ZEB1: variants seen among roughly 807,000 people sequenced by gnomAD.
ZEB1 encodes zinc finger E-box binding homeobox 1, also known as zinc finger E-box-binding homeobox 1.
ZEB1 carries 21 observed loss-of-function variants against 84.9 expected under a neutral mutation model. That is an observed-to-expected ratio of 0.25 (90% CI 0.18 to 0.36). The LOEUF is 0.36. Among genes scored for constraint, ZEB1 ranks in the 10% least tolerant of loss-of-function variants. The probability of loss-of-function intolerance (pLI) is 1.00; values close to 1 mark genes in which losing one functional copy is unlikely to be tolerated. For missense variants in ZEB1, 1,104 were observed against 1,330.2 expected (o/e 0.83, Z 2.65); for synonymous variants, 420 against 471.1 (o/e 0.89, Z 1.41).
intron 1 of ZEB1, among the ~76,000 whole-genome samples, chr10:31,347,374 A>G (rs1055315225): frequency 6.6e-6 from 1 of 152,014 alleles, no homozygotes; most frequent in Non-Finnish European, 1.5e-5. Flanking sequence ...TATCTGTGTT[A>G]TTTTAATTTT....
At chr10:31,332,141 A>G (rs993658112) in intron 1 of ZEB1, among the ~76,000 whole-genome samples, 2 of 152,144 alleles carry the variant, frequency 1.3e-5, no homozygotes, top group Admixed American at 6.5e-5. Context: ...ATAGATTTGC[A>G]TAGTAATTGC....
At chr10:31,367,876 G>T (rs2134332436) in intron 1 of ZEB1, among the ~76,000 whole-genome samples, 1 of 151,848 alleles carries the variant, frequency 6.6e-6, no homozygotes, top group East Asian at 1.9e-4. Context: ...ACCCAAAAAC[G>T]TAGAACATTG....
At chr10:31,474,904 C>G (rs1411760686) in intron 2 of ZEB1, among the ~76,000 whole-genome samples, 3 of 152,114 alleles carry the variant, frequency 2.0e-5, no homozygotes, top group Admixed American at 2.0e-4. Context: ...AGTTCATGTC[C>G]TTTGTAGGGA....
intron 1 of ZEB1, among the ~76,000 whole-genome samples, chr10:31,332,288 C>T (rs2036968599): frequency 1.3e-5 from 2 of 152,184 alleles, no homozygotes; most frequent in Admixed American, 6.5e-5. Flanking sequence ...TTTCTAGTCC[C>T]TGCACTGTTA....
intron 1 of ZEB1, among the ~76,000 whole-genome samples, chr10:31,446,914 A>T (rs1012175328): frequency 4.5e-4 from 69 of 152,136 alleles, no homozygotes; most frequent in African/African-American, 1.6e-3. Flanking sequence ...AGAGTTCTGT[A>T]GATGTCTATT....
intron 1 of ZEB1, among the ~76,000 whole-genome samples, chr10:31,420,039 TTG>T (rs1170922150): frequency 6.6e-6 from 1 of 152,122 alleles, no homozygotes; most frequent in Non-Finnish European, 1.5e-5. Flanking sequence ...TACCTCCTCT[TTG>T]TTCTAATGTA....
At chr10:31,334,834 A>G (rs1488524424) in intron 1 of ZEB1, among the ~76,000 whole-genome samples, 7 of 152,122 alleles carry the variant, frequency 4.6e-5, no homozygotes, top group Non-Finnish European at 2.9e-5. Flanking sequence ...ATGCTGGCCC[A>G]AGAAGTAATA....
chr10:31,337,216 G>A (rs1164411126), intron 1 of ZEB1, among the ~76,000 whole-genome samples: 1 of 151,932 alleles, frequency 6.6e-6, no homozygotes, highest in East Asian at 1.9e-4. Flanking sequence ...CATTTATATA[G>A]AATCAAAGAA....
At chr10:31,393,724 T>C (rs900003985) in intron 1 of ZEB1, among the ~76,000 whole-genome samples, 1 of 152,220 alleles carries the variant, frequency 6.6e-6, no homozygotes, top group African/African-American at 2.4e-5. Flanking sequence ...ACCATAGATA[T>C]TGTTTAAAAT....
intron 1 of ZEB1, among the ~76,000 whole-genome samples, chr10:31,397,371 A>G (rs1046111898): frequency 3.3e-5 from 5 of 151,990 alleles, no homozygotes; most frequent in African/African-American, 4.8e-5. Flanking sequence ...TGATTATATA[A>G]CCAGAGATAG....
intron 2 of ZEB1, 26 bp from the exon 3 acceptor site, chr10:31,495,750 T>C (rs1406169001): frequency 6.2e-7 from 1 of 1,611,692 alleles, no homozygotes; most frequent in South Asian, 1.1e-5. Context: ...ACTATAGATC[T>C]ATTTTAATTT....
intron 1 of ZEB1, among the ~76,000 whole-genome samples, chr10:31,385,265 A>G (rs545040573): frequency 1.3e-5 from 2 of 152,302 alleles, no homozygotes; most frequent in South Asian, 4.1e-4. Context: ...TTGACCATAC[A>G]GCAAATGGTA....
In ZEB1 at chr10:31,448,762, C is replaced by G. The variant is rs2060133457; in HGVS notation, c.59-12275C>G. Among the ~76,000 whole-genome samples the G allele has an allele frequency of 3.3e-5, 5 of 152,222 alleles. No individual in the cohort carries two copies. In the East Asian group the frequency reaches 9.7e-4, roughly 29 times the overall value. On this transcript the variant is annotated intron_variant, in intron 1 of 8. Coordinates refer to ENST00000424869, the MANE Select transcript of ZEB1 (RefSeq NM_001174096.2). ...TCAGGGACCCACTTGAGGAGGCAGT[C>G]TGCCCATTCTCAGATCTCCAGCTGC... is the stretch of plus-strand genomic sequence containing the variant.
At chr10:31,430,203 G>A (rs572576130) in intron 1 of ZEB1, among the ~76,000 whole-genome samples, 216 of 152,122 alleles carry the variant, frequency 1.4e-3, no homozygotes, top group African/African-American at 4.3e-3. Context: ...TTAAGATTTC[G>A]TACTAGTTAA....
chr10:31,411,659 A>T (rs1271909957), intron 1 of ZEB1, among the ~76,000 whole-genome samples: 2 of 133,606 alleles, frequency 1.5e-5, no homozygotes, highest in Non-Finnish European at 1.6e-5. Context: ...AAAAAAAAGC[A>T]GCATTAGGAG....
At chr10:31,524,427 T>TCA (rs1240283875) in intron 8 of ZEB1, among the ~76,000 whole-genome samples, 104 of 152,202 alleles carry the variant, frequency 6.8e-4, no homozygotes, top group African/African-American at 2.4e-3. Flanking sequence ...CAGGCTGGTC[T>TCA]TGAACTAATG....
At chr10:31,406,769 G>A (rs1196169428) in intron 1 of ZEB1, among the ~76,000 whole-genome samples, 1 of 152,128 alleles carries the variant, frequency 6.6e-6, no homozygotes, top group Non-Finnish European at 1.5e-5. Flanking sequence ...GTTTGCTCAT[G>A]TCTGTGTCCT....
At chr10:31,447,543 C>T (rs1178841178) in intron 1 of ZEB1, among the ~76,000 whole-genome samples, 6 of 133,360 alleles carry the variant, frequency 4.5e-5, no homozygotes, top group South Asian at 2.9e-4. Flanking sequence ...GATTTTGCAG[C>T]GGCTGGTACC....
intron 2 of ZEB1, among the ~76,000 whole-genome samples, chr10:31,471,461 C>CGAA (rs2063234153): frequency 2.6e-5 from 4 of 151,432 alleles, no homozygotes. Flanking sequence ...TCAAAAGAGA[C>CGAA]GAAGGCCATT....
Sources: gnomAD v4.1 joint callset for allele counts (sites outside exome capture counted in the v4.1 genomes callset) on GRCh38, gnomAD v4.1.1 for gene constraint, MANE v1.5 for transcripts, NCBI Gene and HGNC (gene_info 2026-07-23, HGNC 2026-07-21) for gene names.